Variants in SLCO1A2 observed in about 807,000 individuals in gnomAD.
The protein encoded by SLCO1A2 is OATP-1.
A neutral mutation model predicts 69.0 loss-of-function variants in SLCO1A2; 67 were observed. That is an observed-to-expected ratio of 0.97 (90% CI 0.80 to 1.19). SLCO1A2 has a LOEUF of 1.19. SLCO1A2 is among the 50% of genes most tolerant of loss of function. The pLI is 0.00. For synonymous variants in SLCO1A2, 260 were observed against 265.9 expected (o/e 0.98, Z 0.22); for missense variants, 787 against 793.7 (o/e 0.99, Z 0.10).
intron 2 of SLCO1A2, among the ~76,000 whole-genome samples, chr12:21,362,328 G>C (rs1331676858): frequency 6.6e-6 from 1 of 152,050 alleles, no homozygotes; most frequent in Non-Finnish European, 1.5e-5. Flanking sequence ...GAAATAAAAT[G>C]CTTTACAGAC....
At chr12:21,394,958 C>T (rs1941363613) in exon 1 of SLCO1A2, 2 of 152,194 alleles carry the variant, frequency 1.3e-5, no homozygotes, top group Non-Finnish European at 2.9e-5. Context: ...CACAAAGCAC[C>T]GTAAGTGTGC....
At chr12:21,363,763 A>C (rs1213929421) in intron 2 of SLCO1A2, among the ~76,000 whole-genome samples, 1 of 152,246 alleles carries the variant, frequency 6.6e-6, no homozygotes, top group Non-Finnish European at 1.5e-5. Flanking sequence ...AGAATACTAT[A>C]AACACCTCTG....
chr12:21,396,817 A>G (rs568306255), upstream of SLCO1A2, among the ~76,000 whole-genome samples: 8 of 152,270 alleles, frequency 5.3e-5, no homozygotes, highest in South Asian at 1.7e-3. Context: ...CAGACAAACA[A>G]ATGCTGAGAG....
chr12:21,281,449 CA>C (rs979517497), intron 12 of SLCO1A2, among the ~76,000 whole-genome samples: 75 of 118,150 alleles, frequency 6.3e-4, no homozygotes, highest in Admixed American at 3.5e-3. Context: ...GACTCCGTCT[CA>C]AAAAAAAAAG....
chr12:21,403,120 T>C (rs566694693), intron 1 of SLCO1A2, among the ~76,000 whole-genome samples: 1 of 152,218 alleles, frequency 6.6e-6, no homozygotes, highest in South Asian at 2.1e-4. Context: ...AAAACAACAT[T>C]ATCCGGAATC....
In SLCO1A2 at chr12:21,318,800, T is replaced by G; in HGVS notation, c.184A>C (p.Asn62His). 6.3e-7 allele frequency: 1 copy of G among 1,599,764 alleles called. No individual in the cohort carries two copies. Among genetic ancestry groups the G allele is most frequent in the Non-Finnish European group, 8.5e-7 (1 of 1,176,146 alleles). Residue 62 changes from asparagine (N) to histidine (H), a missense_variant, in exon 3 of 15, where the codon AAT becomes CAT. Coordinates refer to ENST00000683939, the MANE Select transcript of SLCO1A2 (RefSeq NM_001386879.1). ...NIPTSLVGFI[N>H]GSFEIGNLLL... ...TCATTACCAATCTCAAAGCTTCCAT[T>G]AATGAATCCAACTAGAGATGTTGGG...
At chr12:21,270,833 T>A (rs1352409682) in intron 14 of SLCO1A2, among the ~76,000 whole-genome samples, 1 of 149,394 alleles carries the variant, frequency 6.7e-6, no homozygotes. Context: ...TCCTTAATGA[T>A]GTTTTATTTG....
chr12:21,277,533 A>G (rs1260080087), intron 12 of SLCO1A2, among the ~76,000 whole-genome samples: 1 of 152,088 alleles, frequency 6.6e-6, no homozygotes. Flanking sequence ...AGCAAAGGGA[A>G]TTCTGTCTTG....
At chr12:21,320,741 C>T (rs983738813) in intron 2 of SLCO1A2, among the ~76,000 whole-genome samples, 6 of 152,058 alleles carry the variant, frequency 3.9e-5, no homozygotes, top group South Asian at 4.1e-4. Context: ...TCAGGTGATC[C>T]GCCCACCTTG....
At chr12:21,383,381 A>G (rs572646534) in intron 1 of SLCO1A2, among the ~76,000 whole-genome samples, 15 of 152,246 alleles carry the variant, frequency 9.9e-5, no homozygotes, top group African/African-American at 3.6e-4. Flanking sequence ...CGTCCTCCCC[A>G]TGGAATTTTG....
intron 1 of SLCO1A2, among the ~76,000 whole-genome samples, chr12:21,408,945 T>C (rs753530048): frequency 1.3e-5 from 2 of 152,140 alleles, no homozygotes; most frequent in Non-Finnish European, 2.9e-5. Context: ...AATAAAACTT[T>C]CAAATTGTGC....
At chr12:21,310,889 C>T (rs1209110982) in intron 4 of SLCO1A2, among the ~76,000 whole-genome samples, 2 of 152,146 alleles carry the variant, frequency 1.3e-5, no homozygotes, top group African/African-American at 2.4e-5. Flanking sequence ...AGGCGTGAGC[C>T]ACCGCGCCCA....
intron 1 of SLCO1A2, among the ~76,000 whole-genome samples, chr12:21,376,633 T>G (rs188233161): frequency 6.6e-6 from 1 of 152,042 alleles, no homozygotes; most frequent in East Asian, 1.9e-4. Flanking sequence ...AAGTTTTCTG[T>G]ACTTAGGAAG....
In SLCO1A2 at chr12:21,350,835, C is replaced by CAAAAAAAAAAAA. The variant is rs11454466; in HGVS notation, c.-62-16138_-62-16127dup. Among the ~76,000 whole-genome samples, 19 of 40,728 alleles carry CAAAAAAAAAAAA rather than the reference C, an allele frequency of 4.7e-4. 3 individuals carry two copies. The highest frequency in any genetic ancestry group is 1.3e-3 in the African/African-American group (13 of 10,114). 26.7% of individuals were successfully genotyped at this position (40,728 alleles called of 152,430 possible). A position where few individuals can be genotyped will look rare whatever the true frequency, so the allele number is the denominator to read the frequency against. Reference sequence around the variant, plus strand: ...CTGGTGACAGAGCAAGACTCTGTCTCAAAAAAAAAAAAAAAAAAAAAAAAA... The same window carrying CAAAAAAAAAAAA: ...CTGGTGACAGAGCAAGACTCTGTCTCAAAAAAAAAAAAAAAAAAAAAAAAAAAAAAAAAAAAA... On this transcript the variant is annotated intron_variant, in intron 2 of 15. Coordinates refer to the SLCO1A2 transcript ENST00000307378.
intron 1 of SLCO1A2, among the ~76,000 whole-genome samples, chr12:21,406,741 A>G (rs1462109487): frequency 6.6e-6 from 1 of 152,198 alleles, no homozygotes; most frequent in Admixed American, 6.5e-5. Flanking sequence ...GGATTCAGTC[A>G]GCTTCAGACC....
At chr12:21,402,500 T>C (rs73065862) in intron 1 of SLCO1A2, among the ~76,000 whole-genome samples, 7,162 of 152,122 alleles carry the variant, frequency 0.047, 183 homozygotes, top group African/African-American at 0.062. Context: ...TAATTAAAAA[T>C]TTTTTGAAAG....
intron 1 of SLCO1A2, among the ~76,000 whole-genome samples, chr12:21,391,103 T>G (rs1158997782): frequency 6.6e-6 from 1 of 152,208 alleles, no homozygotes; most frequent in Non-Finnish European, 1.5e-5. Flanking sequence ...CATGTAAATG[T>G]AACAACATAT....
At chr12:21,366,112 CA>C (rs1396862446) in intron 2 of SLCO1A2, among the ~76,000 whole-genome samples, 1 of 152,140 alleles carries the variant, frequency 6.6e-6, no homozygotes, top group Non-Finnish European at 1.5e-5. Flanking sequence ...ATGTTTATTG[CA>C]GCACTATTCA....
rs115984508 is a variant in SLCO1A2, at chr12:21,310,902, C to T, written c.335+3647G>A. 3.6e-3 allele frequency among the ~76,000 whole-genome samples: 553 copies of T among 152,226 alleles called. 4 individuals carry two copies. The highest frequency in any genetic ancestry group is 0.013 in the African/African-American group (530 of 41,516). ...ATAGGCGTGAGCCACCGCGCCCAGC[C>T]GCACATAATGCTGTTTGATAGCATT... On this transcript the variant is annotated intron_variant, in intron 4 of 14. Transcript: ENST00000683939.
Sources: allele counts gnomAD v4.1 joint callset (sites outside exome capture counted in the v4.1 genomes callset), GRCh38; gene constraint gnomAD v4.1.1; transcripts MANE v1.5; gene names NCBI Gene and HGNC (gene_info 2026-07-23, HGNC 2026-07-21).